CAT: variants seen among roughly 807,000 people sequenced by gnomAD.
CAT encodes epididymis secretory sperm binding protein.
CAT carries 43 observed loss-of-function variants against 59.0 expected under a neutral mutation model. The observed-to-expected ratio is 0.73, with a 90% confidence interval of 0.57 to 0.94. The LOEUF (loss-of-function observed/expected upper bound fraction) is 0.94. Among genes scored for constraint, CAT ranks in the 40% least tolerant of loss-of-function variants. The pLI, the probability that CAT is intolerant of heterozygous loss-of-function variation, is 0.00. For synonymous variants in CAT, 218 were observed against 230.9 expected, an observed-to-expected ratio of 0.94 and a Z score of 0.51; for missense variants, 664 against 682.9, an observed-to-expected ratio of 0.97 and a Z score of 0.31.
Position 34,453,102 on chromosome 11 carries a change from A to G in CAT, c.493A>G (p.Ile165Val). The G allele has an allele frequency of 6.2e-7, 1 of 1,607,376 alleles. No individual in the cohort carries two copies. The highest frequency in any genetic ancestry group is 1.1e-5 in the South Asian group (1 of 90,926). The part of the protein sequence containing the change: ...IRDPILFPSF[I>V]HSQKRNPQTH... ...TTTTTCTATTTAGTTTCCATCTTTT[A>G]TCCACAGCCAAAAGAGAAATCCTCA... The change falls in exon 5 of 13, where the codon ATC becomes GTC. Residue 165 changes from isoleucine (I) to valine (V), a missense_variant. By Grantham distance (29) the Ile-to-Val change is conservative (BLOSUM62 3). Coordinates refer to ENST00000241052, the MANE Select transcript of CAT (RefSeq NM_001752.4).
chr11:34,471,156 A>G, intron 12 of CAT, 115 bp downstream of exon 12: 1 of 980,590 alleles, frequency 1.0e-6, no homozygotes, highest in Non-Finnish European at 1.6e-6. Context: ...CCACTGTTAG[A>G]TTTCTTAGGC....
chr11:34,464,404 A>T (rs1411923873), intron 10 of CAT, among the ~76,000 whole-genome samples, 169 bp downstream of exon 10: 1 of 152,144 alleles, frequency 6.6e-6, no homozygotes, highest in Admixed American at 6.5e-5. Context: ...GTGGAGTTGA[A>T]GGGTTATATT....
At chr11:34,457,654 A>G (rs920543373) in intron 8 of CAT, among the ~76,000 whole-genome samples, 1 of 150,220 alleles carries the variant, frequency 6.7e-6, no homozygotes, top group African/African-American at 2.4e-5. Flanking sequence ...AGTATGTTTT[A>G]CATCACTTTT....
At chr11:34,457,184 C>A (rs987456341) in intron 8 of CAT, among the ~76,000 whole-genome samples, 7 of 136,714 alleles carry the variant, frequency 5.1e-5, no homozygotes, top group South Asian at 4.6e-4. Flanking sequence ...CCTTGGTAAG[C>A]CTAACTTTAT....
chr11:34,438,971 A>G lies in CAT; in HGVS notation c.-43A>G. Reference sequence around the variant, plus strand: ...TGCCTGCTGAGGGTGGAGACCCACGAGCCGAGGCCTCCTGCAGTGTTCTGC... The same window carrying G: ...TGCCTGCTGAGGGTGGAGACCCACGGGCCGAGGCCTCCTGCAGTGTTCTGC... On this transcript the variant is annotated 5_prime_UTR_variant, in exon 1 of 13. Transcript: ENST00000241052. 6.5e-7 allele frequency: 1 copy of G among 1,535,348 alleles called. No individual in the cohort carries two copies. Among genetic ancestry groups the G allele is most frequent in the Non-Finnish European group, 8.8e-7 (1 of 1,130,534 alleles).
chr11:34,459,090 C>T (rs1363209767), intron 8 of CAT, among the ~76,000 whole-genome samples: 1 of 152,006 alleles, frequency 6.6e-6, no homozygotes, highest in Non-Finnish European at 1.5e-5. Context: ...GCCTAGCTTT[C>T]CCCCATCCTT....
At chr11:34,439,348 G>A (rs561132790) in intron 1 of CAT, among the ~76,000 whole-genome samples, 212 of 152,342 alleles carry the variant, frequency 1.4e-3, no homozygotes, top group Non-Finnish European at 1.9e-3. Context: ...TGCCAACTGG[G>A]ACAGAGGTCG....
chr11:34,453,101 T>A lies in CAT; in HGVS notation c.492T>A (p.Phe164Leu). The change falls in exon 5 of 13, where the codon TTT becomes TTA. Residue 164 changes from phenylalanine (F) to leucine (L), a missense_variant. Coordinates refer to ENST00000241052, the MANE Select transcript of CAT (RefSeq NM_001752.4). ...FIRDPILFPS[F>L]IHSQKRNPQT... ...TTTTTTCTATTTAGTTTCCATCTTTTATCCACAGCCAAAAGAGAAATCCTC... is the reference window on the plus strand; with the variant it reads ...TTTTTTCTATTTAGTTTCCATCTTTAATCCACAGCCAAAAGAGAAATCCTC... The A allele has an allele frequency of 1.9e-6, 3 of 1,609,392 alleles. No homozygotes were observed. Among genetic ancestry groups the A allele is most frequent in the Non-Finnish European group, 2.6e-6 (3 of 1,175,798 alleles).
At chr11:34,457,888 G>A (rs1856609615) in intron 8 of CAT, among the ~76,000 whole-genome samples, 1 of 152,228 alleles carries the variant, frequency 6.6e-6, no homozygotes, top group Non-Finnish European at 1.5e-5. Context: ...TCTGCATGGA[G>A]GACAAGCTAA....
At chr11:34,445,672 A>G (rs1293494211) in intron 1 of CAT, among the ~76,000 whole-genome samples, 1 of 152,082 alleles carries the variant, frequency 6.6e-6, no homozygotes, top group Non-Finnish European at 1.5e-5. Context: ...GCTAGCAGCC[A>G]GGAAGATGTA....
intron 8 of CAT, among the ~76,000 whole-genome samples, chr11:34,459,043 A>G (rs148186874): frequency 1.2e-4 from 19 of 152,254 alleles, no homozygotes; most frequent in African/African-American, 3.6e-4. Context: ...AAACTGTTCG[A>G]AAGAGCTTTC....
At chr11:34,458,226 G>C (rs1229289288) in intron 8 of CAT, among the ~76,000 whole-genome samples, 1 of 152,204 alleles carries the variant, frequency 6.6e-6, no homozygotes, top group Non-Finnish European at 1.5e-5. Flanking sequence ...TAGGCACAAA[G>C]GTGGGACATG....
At chr11:34,457,763 T>C (rs1856608492) in intron 8 of CAT, among the ~76,000 whole-genome samples, 1 of 152,206 alleles carries the variant, frequency 6.6e-6, no homozygotes, top group Admixed American at 6.5e-5. Flanking sequence ...AAATCAATCT[T>C]TTGTGGTTTT....
chr11:34,447,250 C>T (rs1042332899), intron 1 of CAT, among the ~76,000 whole-genome samples: 2 of 152,122 alleles, frequency 1.3e-5, no homozygotes, highest in Admixed American at 1.3e-4. Flanking sequence ...CAGGGCACTT[C>T]TATCAGACAT....
chr11:34,468,308 C>G lies in CAT; in HGVS notation c.1347C>G (p.Asn449Lys), dbSNP rs369711323. ...AGCAGGTGCGGGCATTCTATGTGAA[C>G]GTGCTGAATGAGGAACAGAGGAAAC... is the stretch of plus-strand genomic sequence containing the variant. ...NVTQVRAFYV[N>K]VLNEEQRKRL... Residue 449 changes from asparagine (N) to lysine (K), a missense_variant, in exon 11 of 13, where the codon AAC becomes AAG. Coordinates refer to ENST00000241052, the MANE Select transcript of CAT (RefSeq NM_001752.4). The G allele has an allele frequency of 1.2e-6, 2 of 1,613,866 alleles. No individual in the cohort carries two copies. The highest frequency in any genetic ancestry group is 1.7e-6 in the Non-Finnish European group (2 of 1,179,852).
intron 3 of CAT, 27 bp downstream of exon 3, chr11:34,451,125 T>G (rs1311436881): frequency 7.6e-7 from 1 of 1,309,974 alleles, no homozygotes; most frequent in Non-Finnish European, 1.1e-6. Context: ...GCGTGATTGG[T>G]ATGGCTTAAC....
Position 34,446,128 on chromosome 11 carries a change from C to G in CAT, c.67-3064C>G, listed in dbSNP as rs921470564. On this transcript the variant is annotated intron_variant, in intron 1 of 12. Transcript: ENST00000241052. ...TTCAGTTTAGATCAGTTCCTCTTATCCAATGTTGCGCTAAACATCCCCTGA... is the reference window on the plus strand; with the variant it reads ...TTCAGTTTAGATCAGTTCCTCTTATGCAATGTTGCGCTAAACATCCCCTGA... Among the ~76,000 whole-genome samples, 4 of 152,094 alleles carry G rather than the reference C, an allele frequency of 2.6e-5. No homozygotes were observed. The East Asian group carries it at 5.8e-4, about 22-fold the overall frequency.
At chr11:34,471,233 G>A (rs1856769508) in intron 12 of CAT, 135 bp from the exon 13 acceptor site, 13 of 882,076 alleles carry the variant, frequency 1.5e-5, no homozygotes, top group Admixed American at 5.7e-5. Context: ...TCATTTTAGC[G>A]CTGGGCAATT....
At chr11:34,440,077 G>A (rs1419677399) in intron 1 of CAT, among the ~76,000 whole-genome samples, 1 of 152,204 alleles carries the variant, frequency 6.6e-6, no homozygotes, top group African/African-American at 2.4e-5. Context: ...TTGGCCCAGG[G>A]AGTCTAAAGG....
Sources: allele counts gnomAD v4.1 joint callset (sites outside exome capture counted in the v4.1 genomes callset), GRCh38; gene constraint gnomAD v4.1.1; transcripts MANE v1.5; gene names NCBI Gene and HGNC (gene_info 2026-07-23, HGNC 2026-07-21).